The following ZNF737 variants were observed in gnomAD, a reference collection of about 807,000 sequenced individuals.
ZNF737 encodes zinc finger protein 102 (Y3).
Under a neutral mutation model 11.7 loss-of-function variants are expected in ZNF737, and 13 were observed. The ratio of observed to expected loss-of-function variants is 1.11; its 90% CI spans 0.73 to 1.77. The LOEUF is 1.77. ZNF737 is among the 40% of genes most tolerant of loss of function. The pLI is 0.00. For missense variants in ZNF737, 636 were observed against 638.0 expected (o/e 1.00, Z 0.03); for synonymous variants, 217 against 216.2 (o/e 1.00, Z -0.03).
Position 20,541,447 on chromosome 19 carries a change from ATTT to A in ZNF737, c.*3142_*3144del. Reference sequence around the variant, plus strand: ...CAGGACTCAGAAATGTATGGATTTTATTTTTATTTTATTTTTTGAGATGGAGAC... The same window carrying A: ...CAGGACTCAGAAATGTATGGATTTTATTATTTTATTTTTTGAGATGGAGAC... On this transcript the variant is annotated 3_prime_UTR_variant, in exon 4 of 4. Coordinates refer to ENST00000427401, the MANE Select transcript of ZNF737 (RefSeq NM_001159293.2). 1 of 962,988 alleles carries A rather than the reference ATTT, an allele frequency of 1.0e-6. No individual in the cohort carries two copies. The highest frequency in any genetic ancestry group is 1.2e-6 in the Non-Finnish European group (1 of 809,930). 59.7% of individuals were successfully genotyped at this position (962,988 alleles called of 1,614,324 possible). A position where few individuals can be genotyped will look rare whatever the true frequency, so the allele number is the denominator to read the frequency against.
chr19:20,565,692 C>T lies in ZNF737; in HGVS notation c.-52G>A. ...GTCTTAGCTGTGGATCTCCCAATAC[C>T]TGCAGGACACAGGGCCACAGAGGCT... On this transcript the variant is annotated 5_prime_UTR_variant, in exon 1 of 4. Coordinates refer to ENST00000427401, the MANE Select transcript of ZNF737 (RefSeq NM_001159293.2). 6.2e-7 allele frequency: 1 copy of T among 1,613,738 alleles called. No individual in the cohort carries two copies. Among genetic ancestry groups the T allele is most frequent in the Non-Finnish European group, 8.5e-7 (1 of 1,179,678 alleles).
chr19:20,555,926 G>GACTT (rs1555761012), intron 1 of ZNF737, among the ~76,000 whole-genome samples: 5 of 151,922 alleles, frequency 3.3e-5, no homozygotes, highest in African/African-American at 1.2e-4. Context: ...TGCCTTTAAA[G>GACTT]GTGTCAGTAC....
rs1968197299 is a variant in ZNF737 at position 20,541,331 on chromosome 19, ACT to A, written c.*3259_*3260del. ...CTTCAGAGTAATATGTGTATATTTA[ACT>A]CTATGTAAATTAAAACTAAAAGTCT... On this transcript the variant is annotated 3_prime_UTR_variant, in exon 4 of 4. Transcript: ENST00000427401. 1.0e-6 allele frequency: 1 copy of A among 983,334 alleles called. No individual in the cohort carries two copies. The highest frequency in any genetic ancestry group is 1.2e-6 in the Non-Finnish European group (1 of 828,206). The allele number at this position is 983,334 out of a possible 1,614,324, so 60.9% of individuals were successfully genotyped here.
intron 1 of ZNF737, among the ~76,000 whole-genome samples, chr19:20,563,865 T>C (rs1162586468): frequency 6.6e-6 from 1 of 152,214 alleles, no homozygotes; most frequent in East Asian, 1.9e-4. Flanking sequence ...TATTTTATTA[T>C]TTATCTTAAA....
chr19:20,531,001 G>A (rs1162957543), downstream of ZNF737, among the ~76,000 whole-genome samples: 5 of 148,902 alleles, frequency 3.4e-5, no homozygotes, highest in African/African-American at 5.0e-5. Context: ...TGAGGCTGGC[G>A]GATCACTCGC....
chr19:20,547,808 T>C (rs1555757399), intron 3 of ZNF737, among the ~76,000 whole-genome samples: 2 of 152,170 alleles, frequency 1.3e-5, no homozygotes, highest in African/African-American at 4.8e-5. Flanking sequence ...GACACAGCCA[T>C]TATTTTAAAA....
rs782738454 is a variant in ZNF737 at position 20,544,976 on chromosome 19, G to A, written c.1227C>T (p.Ser409=). ...TTATCTTATGTGTAGTAAGGGAAGA[G>A]GAGTACTTAAAGGCTTCGCCACATT... is the stretch of plus-strand genomic sequence containing the variant. The part of the protein sequence containing the change: ...CEECGEAFKY[S]SSLTTHKIIH... The change falls in exon 4 of 4, where the codon TCC becomes TCT. Residue 409 remains serine (S), a synonymous_variant. Transcript: ENST00000427401. 13 of 1,613,228 alleles carry A rather than the reference G, an allele frequency of 8.1e-6. No individual in the cohort carries two copies. In the South Asian group the frequency reaches 1.3e-4, roughly 16 times the overall value.
intron 3 of ZNF737, among the ~76,000 whole-genome samples, chr19:20,551,958 A>G (rs1483668926): frequency 1.1e-5 from 1 of 88,982 alleles, no homozygotes; most frequent in Non-Finnish European, 2.0e-5. Context: ...TAGCCAAAGC[A>G]ATCTTGAAAA....
At chr19:20,549,929 C>CA (rs58715059) in intron 3 of ZNF737, among the ~76,000 whole-genome samples, 9,201 of 113,260 alleles carry the variant, frequency 0.081, 432 homozygotes, top group African/African-American at 0.14. Context: ...GACTCCATCT[C>CA]AAAAAAAAAA....
downstream of ZNF737, among the ~76,000 whole-genome samples, chr19:20,536,807 G>T (rs1568420316): frequency 1.3e-5 from 2 of 152,192 alleles, no homozygotes; most frequent in African/African-American, 4.8e-5. Context: ...GCTGTGCATG[G>T]TGGTGGGTGC....
chr19:20,561,278 G>C (rs1238446791), intron 1 of ZNF737, among the ~76,000 whole-genome samples: 2 of 152,132 alleles, frequency 1.3e-5, no homozygotes, highest in Non-Finnish European at 2.9e-5. Flanking sequence ...GATACGCCAG[G>C]AGACTTGTAG....
At chr19:20,530,446 G>C in the ZNF737 span, among the ~76,000 whole-genome samples, 2 of 149,530 alleles carry the variant, frequency 1.3e-5, no homozygotes, top group African/African-American at 4.9e-5. Context: ...TGGCTGCCGG[G>C]CGGAGACGCT....
chr19:20,538,978 C>T lies in ZNF737; in HGVS notation c.*5614G>A. The T allele has an allele frequency of 3.0e-6, 3 of 985,352 alleles. No homozygotes were observed. The highest frequency in any genetic ancestry group is 4.7e-5 in the South Asian group (1 of 21,272). The allele number at this position is 985,352 out of a possible 1,614,324, so 61.0% of individuals were successfully genotyped here. A position where few individuals can be genotyped will look rare whatever the true frequency, so the allele number is the denominator to read the frequency against. On this transcript the variant is annotated 3_prime_UTR_variant, in exon 4 of 4. Coordinates refer to ENST00000427401, the MANE Select transcript of ZNF737 (RefSeq NM_001159293.2). ...AAATCAGAGAAGAGCAATGTGTGTA[C>T]ATAATGTGCATTTTCCTGCCTACCA... is the stretch of plus-strand genomic sequence containing the variant.
At position 20,545,187 on chromosome 19, in the gene ZNF737, T is replaced by G. The variant is rs782527561; in HGVS notation, c.1016A>C (p.Lys339Thr). Residue 339 changes from lysine to threonine, a missense_variant, in exon 4 of 4, where the codon AAA becomes ACA. Physicochemically the swap from Lys to Thr is moderately conservative, Grantham distance 78. Coordinates refer to ENST00000427401, the MANE Select transcript of ZNF737 (RefSeq NM_001159293.2). ...GCCACATTCTTCACATTTGTAGGGT[T>G]TCTCTCCAGTATGAATTCTTTTATG... ...TTHKRIHTGE[K>T]PYKCEECGRA... 6 of 1,613,814 alleles carry G rather than the reference T, an allele frequency of 3.7e-6. No individual in the cohort carries two copies. In the Admixed American group the frequency reaches 5.0e-5, roughly 13 times the overall value.
Position 20,544,435 on chromosome 19 carries a change from C to A in ZNF737, c.*157G>T. On this transcript the variant is annotated 3_prime_UTR_variant, in exon 4 of 4. Transcript: ENST00000427401. Reference sequence around the variant, plus strand: ...CTGCATTTTCTTATTTGTTGGGTTTCTTTCCCGCATGAATTATCTAATGTC... The same window carrying A: ...CTGCATTTTCTTATTTGTTGGGTTTATTTCCCGCATGAATTATCTAATGTC... 1 of 1,461,056 alleles carries A rather than the reference C, an allele frequency of 6.8e-7. No homozygotes were observed. Among genetic ancestry groups the A allele is most frequent in the South Asian group, 1.5e-5 (1 of 66,330 alleles). 90.5% of individuals were successfully genotyped at this position (1,461,056 alleles called of 1,614,324 possible).
At chr19:20,535,522 ATCC>A (rs1458310835), downstream of ZNF737, among the ~76,000 whole-genome samples, 4 of 129,348 alleles carry the variant, frequency 3.1e-5, no homozygotes, top group South Asian at 5.4e-4. Flanking sequence ...AAAAAACAAA[ATCC>A]TCGTTTTTTT....
intron 2 of ZNF737, 140 bp downstream of exon 2, chr19:20,553,569 T>C: frequency 2.0e-6 from 2 of 975,814 alleles, no homozygotes; most frequent in Non-Finnish European, 3.0e-6. Flanking sequence ...ATTTTCTAAA[T>C]GAACAAATTC....
At chr19:20,532,476 T>C (rs576110405), downstream of ZNF737, among the ~76,000 whole-genome samples, 5 of 150,180 alleles carry the variant, frequency 3.3e-5, no homozygotes, top group East Asian at 1.0e-3. Flanking sequence ...TTTGTATCTA[T>C]ATGTACAGAA....
Position 20,541,932 on chromosome 19 carries a change from A to G in ZNF737, c.*2660T>C, listed in dbSNP as rs1880681493. On this transcript the variant is annotated 3_prime_UTR_variant, in exon 4 of 4. Transcript: ENST00000427401. ...AGGCCTGAGTCAAAAGATGCCATAT[A>G]AGGCATAAATATATACACATATTAT... The G allele has an allele frequency of 1.3e-6, 1 of 787,076 alleles. No homozygotes were observed. The highest frequency in any genetic ancestry group is 1.9e-5 in the African/African-American group (1 of 52,956). 48.8% of individuals were successfully genotyped at this position (787,076 alleles called of 1,614,324 possible). A position where few individuals can be genotyped will look rare whatever the true frequency, so the allele number is the denominator to read the frequency against.
Sources: allele counts gnomAD v4.1 joint callset (sites outside exome capture counted in the v4.1 genomes callset), GRCh38; gene constraint gnomAD v4.1.1; transcripts MANE v1.5; gene names NCBI Gene and HGNC (gene_info 2026-07-23, HGNC 2026-07-21).